The following DARS2 variants were observed in gnomAD, a reference collection of about 807,000 sequenced individuals.
DARS2 encodes aspartate--tRNA ligase, mitochondrial.
Under a neutral mutation model 83.0 loss-of-function variants are expected in DARS2, and 63 were observed. The ratio of observed to expected loss-of-function variants is 0.76; its 90% confidence interval spans 0.62 to 0.94. The LOEUF (loss-of-function observed/expected upper bound fraction) is 0.94, where lower values mean the gene tolerates loss of function less well. DARS2 is among the 40% of genes least tolerant of loss of function. DARS2 has a pLI of 0.00. For missense variants in DARS2, 675 were observed against 774.4 expected, an observed-to-expected ratio of 0.87 and a Z score of 1.52; for synonymous variants, 250 against 269.3, an observed-to-expected ratio of 0.93 and a Z score of 0.70.
intron 7 of DARS2, among the ~76,000 whole-genome samples, chr1:173,835,820 G>A (rs139171045): frequency 0.061 from 9,310 of 151,816 alleles, 1,008 homozygotes; most frequent in African/African-American, 0.21. Context: ...TTGGGAGGCC[G>A]AAGCAGATGG....
Position 173,853,558 on chromosome 1 carries a change from G to A in DARS2, c.1554G>A (p.Glu518=), listed in dbSNP as rs749190004. The part of the protein sequence containing the change: ...HPSDIHLLYT[E]PKKARSQHYD... The stretch of plus-strand genomic sequence containing the variant: ...GTGACATACATCTCCTGTACACTGA[G>A]CCCAAAAAGGTACCGTATCTATACT... The change falls in exon 14 of 17, where the codon GAG becomes GAA. Residue 518 remains glutamate, a synonymous_variant. Coordinates refer to ENST00000649689, the MANE Select transcript of DARS2 (RefSeq NM_018122.5). 6.2e-7 allele frequency: 1 copy of A among 1,613,960 alleles called. No individual in the cohort carries two copies. Among genetic ancestry groups the A allele is most frequent in the South Asian group, 1.1e-5 (1 of 91,072 alleles).
intron 2 of DARS2, 58 bp from the exon 3 acceptor site, chr1:173,828,275 A>G: frequency 1.3e-6 from 2 of 1,557,010 alleles, no homozygotes; most frequent in South Asian, 2.3e-5. Context: ...GTATGCTTCA[A>G]CTTTGGACTT....
Position 173,857,884 on chromosome 1 carries a change from T to A in DARS2, c.*179T>A, listed in dbSNP as rs1025226694. 3.6e-5 allele frequency: 25 copies of A among 692,244 alleles called. No individual in the cohort carries two copies. Among genetic ancestry groups the A allele is most frequent in the Non-Finnish European group, 5.1e-5 (21 of 413,994 alleles). 42.9% of individuals were successfully genotyped at this position (692,244 alleles called of 1,614,324 possible). ...AGATAAAAGATACCCAATTTTGACTTGATTTCATGCATCATTTGGATTTTT... is the reference window on the plus strand; with the variant it reads ...AGATAAAAGATACCCAATTTTGACTAGATTTCATGCATCATTTGGATTTTT... On this transcript the variant is annotated 3_prime_UTR_variant, in exon 17 of 17. Coordinates refer to ENST00000649689, the MANE Select transcript of DARS2 (RefSeq NM_018122.5).
In DARS2 at chr1:173,826,777, AGTACCGAAG is replaced by A. The variant is rs759266192; in HGVS notation, c.222_227+3del. On this transcript the variant is annotated inframe_deletion and splice_region_variant, in exon 2 of 17. Coordinates refer to ENST00000649689, the MANE Select transcript of DARS2 (RefSeq NM_018122.5). ...GAAGTCACCTTGTGTGGATGGATTC[AGTACCGAAG>A]GTAAATTGAGAAAGACAGTCTAAGA... 6.2e-7 allele frequency: 1 copy of A among 1,610,770 alleles called. No individual in the cohort carries two copies. The highest frequency in any genetic ancestry group is 1.1e-5 in the South Asian group (1 of 91,024).
Position 173,845,213 on chromosome 1 carries a change from A to T in DARS2, c.1129-16A>T. 2 of 1,539,930 alleles carry T rather than the reference A, an allele frequency of 1.3e-6. No individual in the cohort carries two copies. Among genetic ancestry groups the T allele is most frequent in the Non-Finnish European group, 1.8e-6 (2 of 1,112,914 alleles). ...GTGTCATACTGACAAGTTTACTTTG[A>T]TTTTTCTTTCATCAGAAATACTTAA... is the stretch of plus-strand genomic sequence containing the variant. On this transcript the variant is annotated splice_polypyrimidine_tract_variant and intron_variant, in intron 11 of 16. Transcript: ENST00000649689.
rs200401292 is a variant in DARS2, at chr1:173,841,229, TAGTC to T, written c.1128+259_1128+262del. The stretch of plus-strand genomic sequence containing the variant: ...ATCTCTACTAAAAAATACAAAAAAT[TAGTC>T]AGGCGTGGTGGCATGTGCCTGTAAT... On this transcript the variant is annotated intron_variant, in intron 11 of 16. Transcript: ENST00000649689. Among the ~76,000 whole-genome samples, 591 of 151,946 alleles carry T rather than the reference TAGTC, an allele frequency of 3.9e-3. 14 individuals are homozygous for T. Among genetic ancestry groups the T allele is most frequent in the Admixed American group, 0.032 (494 of 15,248 alleles).
At chr1:173,828,886 CA>C (rs2102636578) in intron 3 of DARS2, among the ~76,000 whole-genome samples, 1 of 152,152 alleles carries the variant, frequency 6.6e-6, no homozygotes, top group African/African-American at 2.4e-5. Flanking sequence ...TAGACTTATA[CA>C]GATATAAAAT....
At chr1:173,841,094 G>A in intron 11 of DARS2, 121 bp downstream of exon 11, 1 of 745,928 alleles carries the variant, frequency 1.3e-6, no homozygotes, top group Non-Finnish European at 2.3e-6. Flanking sequence ...AGGGATTTTT[G>A]CTGGGCATGG....
intron 2 of DARS2, among the ~76,000 whole-genome samples, chr1:173,827,104 C>G (rs988353687): frequency 6.6e-6 from 1 of 152,020 alleles, no homozygotes; most frequent in African/African-American, 2.4e-5. Flanking sequence ...TTCCTATAAC[C>G]AGTAATTAAA....
intron 5 of DARS2, 66 bp downstream of exon 5, chr1:173,831,696 C>G (rs1332904391): frequency 1.5e-5 from 19 of 1,285,326 alleles, no homozygotes; most frequent in Non-Finnish European, 2.0e-5. Context: ...CAAGTATTTT[C>G]AGAGTTTTTT....
In DARS2 at chr1:173,836,961, C is replaced by G; in HGVS notation, c.685C>G (p.Pro229Ala). The change falls in exon 8 of 17, where the codon CCA becomes GCA. Residue 229 changes from proline (P) to alanine (A), a missense_variant. By Grantham distance (27) the Pro-to-Ala change is conservative. Coordinates refer to ENST00000649689, the MANE Select transcript of DARS2 (RefSeq NM_018122.5). ...AAAGGGTGCCAAAGAGTTTTTAGTACCATCCAGGGAACCTGGAAAGTTTTA... is the reference window on the plus strand; with the variant it reads ...AAAGGGTGCCAAAGAGTTTTTAGTAGCATCCAGGGAACCTGGAAAGTTTTA... ...TPGGAKEFLV[P>A]SREPGKFYSL... 4 of 1,613,946 alleles carry G rather than the reference C, an allele frequency of 2.5e-6. No homozygotes were observed. The highest frequency in any genetic ancestry group is 3.4e-6 in the Non-Finnish European group (4 of 1,179,914).
At chr1:173,836,393 A>C (rs1281189448) in intron 7 of DARS2, among the ~76,000 whole-genome samples, 1 of 151,694 alleles carries the variant, frequency 6.6e-6, no homozygotes, top group Non-Finnish European at 1.5e-5. Flanking sequence ...TACAAAAATT[A>C]GCGGGGCATG....
rs762711096 is a variant in DARS2 at position 173,831,580 on chromosome 1, C to T, written c.442C>T (p.Leu148Phe). 1.9e-6 allele frequency: 3 copies of T among 1,614,072 alleles called. No individual in the cohort carries two copies. Among genetic ancestry groups the T allele is most frequent in the South Asian group, 1.1e-5 (1 of 91,078 alleles). The change falls in exon 5 of 17, where the codon CTT becomes TTT. Residue 148 changes from leucine to phenylalanine, a missense_variant. Physicochemically the swap from Leu to Phe is conservative, Grantham distance 22. Coordinates refer to ENST00000649689, the MANE Select transcript of DARS2 (RefSeq NM_018122.5). ...TGAAATCAAAGTTAAAACAGCTGAG[C>T]TTCTGAATGCCTGCAAGAAGCTGCC... ...EIEIKVKTAE[L>F]LNACKKLPFE...
chr1:173,829,546 G>A (rs1353503712), intron 3 of DARS2, among the ~76,000 whole-genome samples: 1 of 151,886 alleles, frequency 6.6e-6, no homozygotes, highest in Non-Finnish European at 1.5e-5. Flanking sequence ...CTGGGAGGCC[G>A]AGGCCAGCAG....
At chr1:173,832,240 A>G (rs1387958463) in intron 5 of DARS2, among the ~76,000 whole-genome samples, 3 of 152,192 alleles carry the variant, frequency 2.0e-5, no homozygotes, top group Admixed American at 2.0e-4. Flanking sequence ...TTCATGGCCA[A>G]TTAGTCTTAC....
chr1:173,838,971 G>A (rs1416814296), intron 9 of DARS2, among the ~76,000 whole-genome samples: 7 of 152,026 alleles, frequency 4.6e-5, no homozygotes, highest in South Asian at 2.1e-4. Flanking sequence ...TCCTGACCTC[G>A]TGATCCACCC....
At chr1:173,848,340 G>C (rs1653520275) in intron 12 of DARS2, among the ~76,000 whole-genome samples, 1 of 152,168 alleles carries the variant, frequency 6.6e-6, no homozygotes, top group South Asian at 2.1e-4. Context: ...ATTTGGCTTA[G>C]TACAAAATTT....
chr1:173,825,800 T>C (rs1326652211), intron 1 of DARS2, among the ~76,000 whole-genome samples: 1 of 156 alleles, frequency 6.4e-3, no homozygotes, highest in South Asian at 0.17. Context: ...TAGCCTTATG[T>C]GTAGAAGCGA....
chr1:173,826,665 CTTTTTT>C lies in DARS2; in HGVS notation c.128-10_128-5del. 2 of 1,260,678 alleles carry C rather than the reference CTTTTTT, an allele frequency of 1.6e-6. No homozygotes were observed. Among genetic ancestry groups the C allele is most frequent in the Non-Finnish European group, 1.1e-6 (1 of 913,144 alleles). The allele number at this position is 1,260,678 out of a possible 1,614,324, so 78.1% of individuals were successfully genotyped here. A position where few individuals can be genotyped will look rare whatever the true frequency, so the allele number is the denominator to read the frequency against. On this transcript the variant is annotated splice_polypyrimidine_tract_variant and intron_variant, in intron 1 of 16. Coordinates refer to ENST00000649689, the MANE Select transcript of DARS2 (RefSeq NM_018122.5). ...TTTTTAATCTTGCCTTTTAAAGTTT[CTTTTTT>C]TTTTTTTTTTTAAAGAATTCAGTAG... is the stretch of plus-strand genomic sequence containing the variant.
Sources: allele counts gnomAD v4.1 joint callset (sites outside exome capture counted in the v4.1 genomes callset), GRCh38; gene constraint gnomAD v4.1.1; transcripts MANE v1.5; gene names NCBI Gene and HGNC (gene_info 2026-07-23, HGNC 2026-07-21).